The following ANKRD6 variants were observed in gnomAD, a reference collection of about 807,000 sequenced individuals.
ANKRD6 encodes ankyrin repeat domain 6, also known as ankyrin repeat domain-containing protein 6.
In ANKRD6, 56 loss-of-function variants were observed where a neutral mutation model predicts 82.3. The ratio of observed to expected loss-of-function variants is 0.68; its 90% CI spans 0.55 to 0.85. The LOEUF (loss-of-function observed/expected upper bound fraction) is 0.85, where lower values mean the gene tolerates loss of function less well. Ranked by LOEUF, ANKRD6 falls within the 40% of genes least tolerant of loss-of-function variation. The pLI is 0.00. For synonymous variants in ANKRD6, 347 were observed against 352.1 expected, an observed-to-expected ratio of 0.99 and a Z score of 0.16; for missense variants, 852 against 907.6, an observed-to-expected ratio of 0.94 and a Z score of 0.79.
intron 1 of ANKRD6, among the ~76,000 whole-genome samples, chr6:89,481,875 A>G (rs1776858475): frequency 6.6e-6 from 1 of 152,158 alleles, no homozygotes; most frequent in Non-Finnish European, 1.5e-5. Flanking sequence ...CTACTATGTG[A>G]TGAAGCTTAA....
At chr6:89,447,865 T>TTTTTTTTTTTTTC (rs1772301254) in intron 1 of ANKRD6, among the ~76,000 whole-genome samples, 2 of 149,964 alleles carry the variant, frequency 1.3e-5, no homozygotes, top group African/African-American at 2.5e-5. Context: ...TTTTTTTTTT[T>TTTTTTTTTTTTTC]CAGTAGAGAT....
rs1389385594 is a variant in ANKRD6, at chr6:89,462,267, A to AATAATAATC, written c.-144+28896_-144+28897insTAATCATAA. Among the ~76,000 whole-genome samples, 8 of 149,090 alleles carry AATAATAATC rather than the reference A, an allele frequency of 5.4e-5. No homozygotes were observed. In the East Asian group the frequency reaches 1.6e-3, roughly 29 times the overall value. On this transcript the variant is annotated intron_variant, in intron 1 of 15. Transcript: ENST00000339746. ...TAATAATAATAATAATAATAATAAT[A>AATAATAATC]ATAAATACATAAATAAAAATGAAGG...
At position 89,629,216 on chromosome 6, in the gene ANKRD6, A is replaced by G; in HGVS notation, c.1590A>G (p.Pro530=). Residue 530 remains proline (P), a synonymous_variant, in exon 15 of 16, where the codon CCA becomes CCG. Transcript: ENST00000339746. ...DSRACRAKST[P]STCESSTGVD... ...GGGCCTGCAGAGCTAAATCCACACC[A>G]TCTACTTGTGAGTCCTCTACAGGTA... is the stretch of plus-strand genomic sequence containing the variant. 6.2e-7 allele frequency: 1 copy of G among 1,613,852 alleles called. No individual in the cohort carries two copies.
intron 1 of ANKRD6, among the ~76,000 whole-genome samples, chr6:89,515,386 A>C (rs1781077264): frequency 6.6e-6 from 1 of 152,146 alleles, no homozygotes; most frequent in African/African-American, 2.4e-5. Context: ...TTCCTTCATG[A>C]TCTTGAATAC....
rs376544405 is a variant in ANKRD6 at position 89,526,609 on chromosome 6, TG to T, written c.-143-40223del. On this transcript the variant is annotated intron_variant, in intron 1 of 15. Coordinates refer to ENST00000339746, the MANE Select transcript of ANKRD6 (RefSeq NM_001242809.2). ...GTATGGGGTGAGGGCTCCTAAACTA[TG>T]GTATTAGTCAGGGTTCTCCGAGAAA... Among the ~76,000 whole-genome samples, 413 of 152,282 alleles carry T rather than the reference TG, an allele frequency of 2.7e-3. 1 individual carries two copies. The highest frequency in any genetic ancestry group is 0.011 in the South Asian group (54 of 4,834).
intron 2 of ANKRD6, among the ~76,000 whole-genome samples, chr6:89,572,023 A>G (rs1226172775): frequency 1.3e-5 from 2 of 152,176 alleles, no homozygotes; most frequent in Non-Finnish European, 2.9e-5. Context: ...GGAATCATAC[A>G]ATATGTAGCC....
At chr6:89,624,429 C>A (rs994703500) in intron 12 of ANKRD6, 110 bp from the exon 13 acceptor site, 6 of 1,346,426 alleles carry the variant, frequency 4.5e-6, no homozygotes, top group Non-Finnish European at 6.1e-6. Flanking sequence ...GAGCCTATCT[C>A]TTCCATCATC....
chr6:89,521,020 C>T (rs1781828931), intron 1 of ANKRD6, among the ~76,000 whole-genome samples: 1 of 152,076 alleles, frequency 6.6e-6, no homozygotes, highest in Non-Finnish European at 1.5e-5. Context: ...CCCACATTCT[C>T]TTATTTTAAA....
At chr6:89,609,543 C>G (rs374055804) in intron 5 of ANKRD6, among the ~76,000 whole-genome samples, 2 of 152,116 alleles carry the variant, frequency 1.3e-5, no homozygotes, top group East Asian at 3.9e-4. Context: ...CTCAGGTGAT[C>G]CACTCACCTT....
At chr6:89,501,289 A>G (rs1006250086) in intron 1 of ANKRD6, among the ~76,000 whole-genome samples, 60 of 152,354 alleles carry the variant, frequency 3.9e-4, no homozygotes, top group African/African-American at 1.4e-3. Flanking sequence ...ACACATGCTT[A>G]TGAAAAAACA....
At chr6:89,471,072 T>G (rs917610880) in intron 1 of ANKRD6, among the ~76,000 whole-genome samples, 2 of 152,096 alleles carry the variant, frequency 1.3e-5, no homozygotes, top group African/African-American at 4.8e-5. Flanking sequence ...CTTATGTGTT[T>G]TCCTTCAATT....
At chr6:89,470,955 A>G (rs1184083617) in intron 1 of ANKRD6, among the ~76,000 whole-genome samples, 1 of 152,096 alleles carries the variant, frequency 6.6e-6, no homozygotes, top group Non-Finnish European at 1.5e-5. Flanking sequence ...TACTAGTTTT[A>G]TGGCTTTATA....
At chr6:89,570,461 C>T (rs1270959573) in intron 2 of ANKRD6, among the ~76,000 whole-genome samples, 15 of 152,172 alleles carry the variant, frequency 9.9e-5, no homozygotes. Context: ...GCATTAAATA[C>T]ATTCACATTA....
At chr6:89,439,445 A>G (rs1304650880) in intron 1 of ANKRD6, among the ~76,000 whole-genome samples, 1 of 152,156 alleles carries the variant, frequency 6.6e-6, no homozygotes, top group African/African-American at 2.4e-5. Flanking sequence ...TAAAATTTGT[A>G]TCTGTTTTTC....
chr6:89,496,294 G>A (rs1264696454), intron 1 of ANKRD6, among the ~76,000 whole-genome samples: 2 of 152,002 alleles, frequency 1.3e-5, no homozygotes, highest in Non-Finnish European at 2.9e-5. Context: ...AGGGTACGCC[G>A]TAAGTGAGGT....
chr6:89,557,915 A>G lies in ANKRD6; in HGVS notation c.-143-8919A>G, dbSNP rs147617711. On this transcript the variant is annotated intron_variant, in intron 1 of 15. Transcript: ENST00000339746. ...ACTGTCTCCTGTCACCCCCATATGG[A>G]ACTATCTAGTTGCAGGAAAACAAGC... Among the ~76,000 whole-genome samples the G allele has an allele frequency of 2.9e-3, 446 of 152,070 alleles. 1 individual carries two copies. Among genetic ancestry groups the G allele is most frequent in the African/African-American group, 9.7e-3 (404 of 41,442 alleles).
At chr6:89,484,379 A>G (rs1777134160) in intron 1 of ANKRD6, among the ~76,000 whole-genome samples, 1 of 152,122 alleles carries the variant, frequency 6.6e-6, no homozygotes, top group Non-Finnish European at 1.5e-5. Context: ...CTGGCCAGCG[A>G]TTATTTAAAA....
At chr6:89,610,785 AG>A (rs1359309707) in intron 5 of ANKRD6, among the ~76,000 whole-genome samples, 1 of 141,356 alleles carries the variant, frequency 7.1e-6, no homozygotes, top group Non-Finnish European at 1.5e-5. Flanking sequence ...CAAACGAAAA[AG>A]GAAAAAAAAC....
At chr6:89,623,814 G>A (rs1583923391) in intron 11 of ANKRD6, 58 bp from the exon 12 acceptor site, 8 of 1,530,472 alleles carry the variant, frequency 5.2e-6, no homozygotes, top group Non-Finnish European at 8.8e-7. Context: ...GCCACCGACT[G>A]GTGTCAGTCT....
Sources: gnomAD v4.1 joint callset for allele counts (sites outside exome capture counted in the v4.1 genomes callset) on GRCh38, gnomAD v4.1.1 for gene constraint, MANE v1.5 for transcripts, NCBI Gene and HGNC (gene_info 2026-07-23, HGNC 2026-07-21) for gene names.